The following HSPA12A variants were observed in gnomAD, a reference collection of about 807,000 sequenced individuals.
The protein encoded by HSPA12A is heat shock 70 kDa protein 12A.
In HSPA12A, 28 loss-of-function variants were observed where a neutral mutation model predicts 69.2. That is an observed-to-expected ratio of 0.40 (90% CI 0.30 to 0.55). HSPA12A has a LOEUF of 0.55. HSPA12A is among the 20% of genes least tolerant of loss of function. HSPA12A has a pLI of 0.38. For missense variants in HSPA12A, 686 were observed against 900.7 expected (o/e 0.76, Z 3.05); for synonymous variants, 345 against 370.5 (o/e 0.93, Z 0.79).
intron 1 of HSPA12A, among the ~76,000 whole-genome samples, chr10:116,713,729 C>A (rs1162344466): frequency 6.6e-6 from 1 of 152,178 alleles, no homozygotes; most frequent in East Asian, 1.9e-4. Context: ...TATACATGTC[C>A]AGGCAACTGC....
At chr10:116,808,838 C>T (rs1845118828) in intron 2 of HSPA12A, among the ~76,000 whole-genome samples, 1 of 152,104 alleles carries the variant, frequency 6.6e-6, no homozygotes. Flanking sequence ...TACAGAGGGC[C>T]CCGCACCGCC....
At chr10:116,707,326 G>A (rs1416998942) in intron 1 of HSPA12A, 41 bp from the exon 2 acceptor site, 2 of 1,488,990 alleles carry the variant, frequency 1.3e-6, no homozygotes, top group Admixed American at 1.8e-5. Context: ...AAGTGGCATG[G>A]ACTGACCCAG....
chr10:116,781,789 G>A (rs1844469936), intron 2 of HSPA12A, among the ~76,000 whole-genome samples: 1 of 152,164 alleles, frequency 6.6e-6, no homozygotes, highest in Non-Finnish European at 1.5e-5. Flanking sequence ...AGGTTGGGTA[G>A]GGGGTGTCCT....
At chr10:116,705,428 G>A (rs1850213786) in intron 2 of HSPA12A, 150 bp from the exon 3 acceptor site, 2 of 978,876 alleles carry the variant, frequency 2.0e-6, no homozygotes, top group South Asian at 2.9e-5. Flanking sequence ...CACCTGGGGA[G>A]AAGGCAGCCC....
At chr10:116,729,513 C>T (rs1589667012) in intron 1 of HSPA12A, among the ~76,000 whole-genome samples, 1 of 151,930 alleles carries the variant, frequency 6.6e-6, no homozygotes, top group South Asian at 2.1e-4. Flanking sequence ...TAACTTTTGA[C>T]CCCCCCAAAA....
chr10:116,839,094 T>C (rs1159412045), intron 1 of HSPA12A, among the ~76,000 whole-genome samples: 1 of 152,244 alleles, frequency 6.6e-6, no homozygotes, highest in Non-Finnish European at 1.5e-5. Context: ...TGTTGCAATG[T>C]TTGTATTCAA....
At chr10:116,820,934 A>G (rs1440904506) in intron 2 of HSPA12A, among the ~76,000 whole-genome samples, 1 of 152,100 alleles carries the variant, frequency 6.6e-6, no homozygotes, top group Non-Finnish European at 1.5e-5. Context: ...AAATGCCAGC[A>G]TCATCCTTAC....
intron 2 of HSPA12A, among the ~76,000 whole-genome samples, chr10:116,798,716 AC>A (rs1201177973): frequency 6.6e-6 from 1 of 152,114 alleles, no homozygotes; most frequent in Non-Finnish European, 1.5e-5. Flanking sequence ...TGAACTGAAA[AC>A]CCAACTGAAT....
rs1849126116 is a variant in HSPA12A at position 116,672,938 on chromosome 10, T to C, written c.*1843A>G. ...GTTTGTTCGTTGTTTCACATTCTAG[T>C]AGGGAATTCTGCAGCAGGCGATGCG... On this transcript the variant is annotated 3_prime_UTR_variant, in exon 12 of 12. Coordinates refer to ENST00000369209, the MANE Select transcript of HSPA12A (RefSeq NM_025015.3). 1 of 152,612 alleles carries C rather than the reference T, an allele frequency of 6.6e-6. No individual in the cohort carries two copies. Among genetic ancestry groups the C allele is most frequent in the Non-Finnish European group, 1.5e-5 (1 of 68,042 alleles). 9.5% of individuals were successfully genotyped at this position (152,612 alleles called of 1,614,324 possible). A position where few individuals can be genotyped will look rare whatever the true frequency, so the allele number is the denominator to read the frequency against.
At chr10:116,786,699 G>T (rs1332476109) in intron 2 of HSPA12A, among the ~76,000 whole-genome samples, 6 of 152,054 alleles carry the variant, frequency 3.9e-5, no homozygotes, top group African/African-American at 1.2e-4. Context: ...AAGTGCAGTG[G>T]CTCAATCTTG....
Position 116,710,109 on chromosome 10 carries a change from C to A in HSPA12A, c.41-2824G>T, listed in dbSNP as rs913124452. On this transcript the variant is annotated intron_variant, in intron 1 of 11. Transcript: ENST00000369209. This position sits in a 1 kb window ranked among gnomAD's most constrained non-coding sequence, Gnocchi z 4.1. ...ATGAATGCAGGGGGAACTCTGCCTC[C>A]CCACTAGGGGTTCCAGCCAGATGGT... is the stretch of plus-strand genomic sequence containing the variant. Among the ~76,000 whole-genome samples, 7 of 152,288 alleles carry A rather than the reference C, an allele frequency of 4.6e-5. No individual in the cohort carries two copies. Among genetic ancestry groups the A allele is most frequent in the Middle Eastern group, 3.4e-3 (1 of 294 alleles).
chr10:116,831,813 A>C (rs1845620731), intron 2 of HSPA12A: 1 of 152,230 alleles, frequency 6.6e-6, no homozygotes, highest in African/African-American at 2.4e-5. Flanking sequence ...CTCCTCCAGA[A>C]TGATTTTAAA....
In HSPA12A at chr10:116,787,890, C is replaced by A. The variant is rs192671334; in HGVS notation, c.91+47045G>T. On this transcript the variant is annotated intron_variant, in intron 2 of 12. Coordinates refer to the HSPA12A transcript ENST00000635765. ...GCTTCAGCGTGGGGGCACCCTAAAT[C>A]CCCTGGAATCAGGTCAGACTCTGAA... 9.2e-5 allele frequency among the ~76,000 whole-genome samples: 14 copies of A among 152,172 alleles called. No homozygotes were observed. The East Asian group carries it at 2.5e-3, about 27-fold the overall frequency.
chr10:116,835,108 C>G (rs986894274), intron 1 of HSPA12A: 13 of 865,128 alleles, frequency 1.5e-5, no homozygotes, highest in Non-Finnish European at 1.8e-5. Flanking sequence ...TGCTGGTTGA[C>G]GGTTTGTAAG....
intron 5 of HSPA12A, among the ~76,000 whole-genome samples, chr10:116,695,510 C>T (rs1036274982): frequency 6.6e-6 from 1 of 151,832 alleles, no homozygotes; most frequent in South Asian, 2.1e-4. Flanking sequence ...AGTGAAATCC[C>T]ATCTCTACTA....
At position 116,714,798 on chromosome 10, in the gene HSPA12A, G is replaced by T. The variant is rs917619590; in HGVS notation, c.41-7513C>A. On this transcript the variant is annotated intron_variant, in intron 1 of 11. Transcript: ENST00000369209. Reference sequence around the variant, plus strand: ...CCTGGCCATACCAAACCTATCCACAGGCCTTGGAACATCTGTGCTTGATTC... The same window carrying T: ...CCTGGCCATACCAAACCTATCCACATGCCTTGGAACATCTGTGCTTGATTC... Among the ~76,000 whole-genome samples the T allele has an allele frequency of 6.6e-5, 10 of 152,110 alleles. 1 individual carries two copies. Among genetic ancestry groups the T allele is most frequent in the African/African-American group, 2.4e-4 (10 of 41,412 alleles).
intron 10 of HSPA12A, among the ~76,000 whole-genome samples, chr10:116,677,475 T>A (rs1301841045): frequency 6.6e-6 from 1 of 152,214 alleles, no homozygotes; most frequent in Non-Finnish European, 1.5e-5. Context: ...TGCAGCCTGT[T>A]TCTTAGTGGG....
rs1290668113 is a variant in HSPA12A at position 116,672,344 on chromosome 10, A to G, written c.*2437T>C. ...GCGCAGTCACATGGCTTCCAGAACC[A>G]GAACGTTCAGCTCTTAAAGTCTGCA... On this transcript the variant is annotated 3_prime_UTR_variant, in exon 12 of 12. Coordinates refer to ENST00000369209, the MANE Select transcript of HSPA12A (RefSeq NM_025015.3). 6.6e-6 allele frequency: 1 copy of G among 152,214 alleles called. No individual in the cohort carries two copies. Among genetic ancestry groups the G allele is most frequent in the Non-Finnish European group, 1.5e-5 (1 of 68,042 alleles). 9.4% of individuals were successfully genotyped at this position (152,214 alleles called of 1,614,324 possible).
rs557990763 is a variant in HSPA12A at position 116,698,538 on chromosome 10, C to T, written c.546+97G>A. On this transcript the variant is annotated intron_variant, in intron 5 of 11. Transcript: ENST00000369209. The stretch of plus-strand genomic sequence containing the variant: ...CACACTCTCCCTCCAGGCTGTGCCT[C>T]CTACCCTGGCCAGCAGGTGCAGCAG... 297 of 890,736 alleles carry T rather than the reference C, an allele frequency of 3.3e-4. 2 individuals are homozygous for T. The highest frequency in any genetic ancestry group is 2.0e-5 in the Non-Finnish European group (11 of 550,258). 55.2% of individuals were successfully genotyped at this position (890,736 alleles called of 1,614,324 possible). A position where few individuals can be genotyped will look rare whatever the true frequency, so the allele number is the denominator to read the frequency against.
Sources: allele counts gnomAD v4.1 joint callset (sites outside exome capture counted in the v4.1 genomes callset), GRCh38; gene constraint gnomAD v4.1.1; non-coding constraint Gnocchi (gnomAD v3.1); transcripts MANE v1.5; gene names NCBI Gene and HGNC (gene_info 2026-07-23, HGNC 2026-07-21).